KSR1: variants seen among roughly 807,000 people sequenced by gnomAD.
KSR1 encodes the protein kinase suppressor of ras 1.
A neutral mutation model predicts 92.9 loss-of-function variants in KSR1; 35 were observed. That is an observed-to-expected ratio of 0.38 (90% CI 0.29 to 0.50). The LOEUF (loss-of-function observed/expected upper bound fraction) is 0.50, where lower values mean the gene tolerates loss of function less well. KSR1 is among the 20% of genes least tolerant of loss of function. The probability of loss-of-function intolerance (pLI) is 0.94; values close to 1 mark genes in which losing one functional copy is unlikely to be tolerated. For synonymous variants in KSR1, 467 were observed against 472.6 expected (o/e 0.99, Z 0.15); for missense variants, 972 against 1,158.5 (o/e 0.84, Z 2.34).
chr17:27,571,408 A>G (rs2072301683), intron 2 of KSR1, among the ~76,000 whole-genome samples: 1 of 152,098 alleles, frequency 6.6e-6, no homozygotes, highest in Admixed American at 6.5e-5. Context: ...TCCCTTGCCA[A>G]TTTGAGACAT....
intron 2 of KSR1, among the ~76,000 whole-genome samples, chr17:27,563,672 G>A (rs182729961): frequency 3.3e-5 from 5 of 152,278 alleles, no homozygotes; most frequent in South Asian, 2.1e-4. Flanking sequence ...CTTCTTCCAC[G>A]TCATCTCCTG....
intron 2 of KSR1, among the ~76,000 whole-genome samples, chr17:27,554,792 C>T (rs547099301): frequency 6.6e-6 from 1 of 152,324 alleles, no homozygotes; most frequent in African/African-American, 2.4e-5. Context: ...GAAACCAGTT[C>T]CTGGTGCCAA....
At chr17:27,562,408 G>A (rs1300101831) in intron 2 of KSR1, among the ~76,000 whole-genome samples, 1 of 152,260 alleles carries the variant, frequency 6.6e-6, no homozygotes, top group Non-Finnish European at 1.5e-5. Context: ...TCTCTGGGGA[G>A]GGTGAAGACG....
chr17:27,550,454 C>T, intron 1 of KSR1, 114 bp from the exon 2 acceptor site: 4 of 697,766 alleles, frequency 5.7e-6, no homozygotes, highest in Non-Finnish European at 7.9e-6. Context: ...AGAGCCAGCC[C>T]CTTCCCTCAT....
intron 2 of KSR1, among the ~76,000 whole-genome samples, chr17:27,570,952 G>A (rs78720852): frequency 3.5e-4 from 53 of 152,332 alleles, no homozygotes; most frequent in East Asian, 3.1e-3. Flanking sequence ...ATTGAGAGCC[G>A]TTGATTTGTT....
At chr17:27,526,433 C>A in intron 1 of KSR1, 4 of 1,563,148 alleles carry the variant, frequency 2.6e-6, no homozygotes, top group Non-Finnish European at 3.5e-6. Flanking sequence ...GCAGGCCATT[C>A]CTTGGTAAAA....
At chr17:27,605,868 A>G in intron 14 of KSR1, 55 bp downstream of exon 14, 1 of 1,598,688 alleles carries the variant, frequency 6.3e-7, no homozygotes. Context: ...CCCCCTTCCC[A>G]GGGAGCCCTG....
intron 1 of KSR1, among the ~76,000 whole-genome samples, chr17:27,460,358 C>T (rs1389986147): frequency 6.6e-6 from 1 of 152,200 alleles, no homozygotes; most frequent in Non-Finnish European, 1.5e-5. Context: ...CCCTTTCCTG[C>T]CAGCCTACTA....
chr17:27,565,191 T>G (rs1294751563), intron 2 of KSR1, among the ~76,000 whole-genome samples: 3 of 152,242 alleles, frequency 2.0e-5, no homozygotes, highest in Non-Finnish European at 4.4e-5. Context: ...GGAAACACTG[T>G]AAACCATTTG....
chr17:27,472,726 C>T (rs1261465551), intron 1 of KSR1, among the ~76,000 whole-genome samples: 2 of 152,172 alleles, frequency 1.3e-5, no homozygotes, highest in African/African-American at 4.8e-5. Flanking sequence ...TTGCTTGAAC[C>T]TGGGAGACGG....
At chr17:27,622,279 T>C in intron 20 of KSR1, 1 of 366,300 alleles carries the variant, frequency 2.7e-6, no homozygotes, top group Non-Finnish European at 5.1e-6. Context: ...TGGGTGGCTC[T>C]GTCTCACTGC....
chr17:27,544,210 G>A (rs1245103864), intron 1 of KSR1, among the ~76,000 whole-genome samples: 1 of 152,212 alleles, frequency 6.6e-6, no homozygotes, highest in Non-Finnish European at 1.5e-5. Flanking sequence ...CAAGGGAGTG[G>A]TGTCAAGGGA....
At chr17:27,576,524 G>A (rs575791416) in intron 2 of KSR1, among the ~76,000 whole-genome samples, 1 of 152,286 alleles carries the variant, frequency 6.6e-6, no homozygotes, top group African/African-American at 2.4e-5. Flanking sequence ...TTGTGATGCT[G>A]TGAGATGATA....
At chr17:27,541,741 G>C (rs2070974952) in intron 1 of KSR1, among the ~76,000 whole-genome samples, 1 of 152,184 alleles carries the variant, frequency 6.6e-6, no homozygotes, top group Non-Finnish European at 1.5e-5. Flanking sequence ...TACAAAGGCT[G>C]GTGCCTTGGT....
At chr17:27,471,675 G>A (rs572388496) in intron 1 of KSR1, among the ~76,000 whole-genome samples, 1 of 152,292 alleles carries the variant, frequency 6.6e-6, no homozygotes, top group South Asian at 2.1e-4. Flanking sequence ...CAGCAAACAG[G>A]TGTCCTCCTA....
At chr17:27,523,743 A>T (rs972160244) in intron 1 of KSR1, among the ~76,000 whole-genome samples, 14 of 152,198 alleles carry the variant, frequency 9.2e-5, no homozygotes, top group African/African-American at 3.4e-4. Flanking sequence ...GCCATTCCTT[A>T]TCCTTATGTT....
rs191665101 is a variant in KSR1 at position 27,505,995 on chromosome 17, C to A, written c.232-44573C>A. On this transcript the variant is annotated intron_variant, in intron 1 of 20. Coordinates refer to ENST00000644974, the MANE Select transcript of KSR1 (RefSeq NM_001394583.1). ...GGTACTTTTCTCATTTTTTTCTTTT[C>A]CTAGAAGATAGCCTTTAAAAAACGA... Among the ~76,000 whole-genome samples, 3 of 152,116 alleles carry A rather than the reference C, an allele frequency of 2.0e-5. No homozygotes were observed. The East Asian group carries it at 5.8e-4, about 29-fold the overall frequency.
intron 18 of KSR1, chr17:27,613,371 C>T (rs1027341910): frequency 6.6e-6 from 1 of 152,196 alleles, no homozygotes. Flanking sequence ...CATGCGGACA[C>T]ATTGAAAGGT....
chr17:27,492,678 G>A (rs1369577494), intron 1 of KSR1, among the ~76,000 whole-genome samples: 1 of 152,160 alleles, frequency 6.6e-6, no homozygotes, highest in Non-Finnish European at 1.5e-5. Context: ...ATAAAGCCCC[G>A]GAATTCGAGG....
Sources: allele counts gnomAD v4.1 joint callset (sites outside exome capture counted in the v4.1 genomes callset), GRCh38; gene constraint gnomAD v4.1.1; transcripts MANE v1.5; gene names NCBI Gene and HGNC (gene_info 2026-07-23, HGNC 2026-07-21).